The following PDPK1 variants were observed in gnomAD, a reference collection of about 807,000 sequenced individuals.
PDPK1 encodes 3-phosphoinositide dependent protein kinase 1.
In PDPK1, 7 loss-of-function variants were observed where a neutral mutation model predicts 39.8. The ratio of observed to expected loss-of-function variants is 0.18; its 90% confidence interval spans 0.10 to 0.33. The LOEUF (loss-of-function observed/expected upper bound fraction) is 0.33. Ranked by LOEUF, PDPK1 falls within the 10% of genes least tolerant of loss-of-function variation. The pLI is 1.00. For missense variants in PDPK1, 182 were observed against 384.7 expected, an observed-to-expected ratio of 0.47 and a Z score of 4.41; for synonymous variants, 118 against 159.1, an observed-to-expected ratio of 0.74 and a Z score of 1.95.
chr16:2,580,095 G>A (rs1434443911), intron 7 of PDPK1: 5 of 149,300 alleles, frequency 3.3e-5, no homozygotes, highest in Admixed American at 6.6e-5. Flanking sequence ...CTGTTTGCGT[G>A]GCTTTTATGC....
intron 11 of PDPK1, 106 bp downstream of exon 11, chr16:2,586,999 T>C (rs1227194468): frequency 1.5e-5 from 14 of 952,488 alleles, no homozygotes; most frequent in Middle Eastern, 2.2e-4. Flanking sequence ...CTCAGCAGCC[T>C]TGGACGCTTG....
At chr16:2,544,854 G>C (rs540267806) in intron 1 of PDPK1, among the ~76,000 whole-genome samples, 6 of 152,112 alleles carry the variant, frequency 3.9e-5, no homozygotes, top group South Asian at 2.1e-4. Context: ...AAAGTGCTGG[G>C]ATTTACAGGC....
intron 1 of PDPK1, among the ~76,000 whole-genome samples, chr16:2,547,260 CTAG>C (rs2066368065): frequency 6.8e-6 from 1 of 146,316 alleles, no homozygotes; most frequent in African/African-American, 2.8e-5. Context: ...AGGGCGAGCG[CTAG>C]GTTCGTCTGC....
At chr16:2,538,764 C>T (rs894982799) in intron 1 of PDPK1, 1 of 1,284,134 alleles carries the variant, frequency 7.8e-7, no homozygotes. Context: ...GGAAAGTGAG[C>T]TTGACAGGTA....
chr16:2,560,234 G>A (rs549022339), intron 2 of PDPK1, among the ~76,000 whole-genome samples: 9 of 152,298 alleles, frequency 5.9e-5, no homozygotes, highest in African/African-American at 7.2e-5. Context: ...ACTAAATATC[G>A]GTGCTCGTTC....
intron 1 of PDPK1, chr16:2,538,376 C>T (rs1354634571): frequency 8.5e-5 from 32 of 377,336 alleles, no homozygotes; most frequent in East Asian, 7.5e-5. Flanking sequence ...GACAGACGCG[C>T]GGAGGGCGGG....
Position 2,598,463 on chromosome 16 carries a change from G to A in PDPK1, c.*696G>A. On this transcript the variant is annotated 3_prime_UTR_variant, in exon 14 of 14. Transcript: ENST00000342085. Reference sequence around the variant, plus strand: ...GAGTGGTGCGGGAGCAGGCTGCCGAGTGGAGGGTGCCATCGAGGGCTCCGG... The same window carrying A: ...GAGTGGTGCGGGAGCAGGCTGCCGAATGGAGGGTGCCATCGAGGGCTCCGG... 4.3e-6 allele frequency: 1 copy of A among 233,762 alleles called. No homozygotes were observed. The highest frequency in any genetic ancestry group is 8.4e-6 in the Non-Finnish European group (1 of 118,382). 14.5% of individuals were successfully genotyped at this position (233,762 alleles called of 1,614,324 possible).
chr16:2,580,311 C>T (rs1024399608), intron 7 of PDPK1, among the ~76,000 whole-genome samples: 1 of 145,156 alleles, frequency 6.9e-6, no homozygotes, highest in Non-Finnish European at 1.5e-5. Flanking sequence ...GTGTCTGATG[C>T]GCCACCCAAC....
rs1377590590 is a variant in PDPK1, at chr16:2,601,447, C to T, written c.*3680C>T. On this transcript the variant is annotated 3_prime_UTR_variant, in exon 14 of 14. Transcript: ENST00000342085. ...GTCAGCTCTCTGCCCTCCCTGCTGC[C>T]GTGGCTTTCAAGCGCTTGGCAGAAT... 3.8e-5 allele frequency: 9 copies of T among 234,528 alleles called. No individual in the cohort carries two copies. The highest frequency in any genetic ancestry group is 7.6e-5 in the Non-Finnish European group (9 of 117,952). The allele number at this position is 234,528 out of a possible 1,614,324, so 14.5% of individuals were successfully genotyped here.
rs183193915 is a variant in PDPK1 at position 2,595,105 on chromosome 16, G to A, written c.1344-688G>A. Among the ~76,000 whole-genome samples the A allele has an allele frequency of 3.1e-3, 477 of 152,200 alleles. 1 individual carries two copies. Among genetic ancestry groups the A allele is most frequent in the South Asian group, 7.3e-3 (35 of 4,822 alleles). ...GCCACTGCTCTCCAGCCTGGGTGACGGAGCAAGACTTTGTCTCTAAAAACA... is the reference window on the plus strand; with the variant it reads ...GCCACTGCTCTCCAGCCTGGGTGACAGAGCAAGACTTTGTCTCTAAAAACA... On this transcript the variant is annotated intron_variant, in intron 11 of 13. Coordinates refer to ENST00000342085, the MANE Select transcript of PDPK1 (RefSeq NM_002613.5).
intron 11 of PDPK1, 121 bp downstream of exon 11, chr16:2,587,014 A>G: frequency 1.2e-6 from 1 of 850,762 alleles, no homozygotes. Flanking sequence ...CGCTTGGCCA[A>G]GGAGCACATC....
chr16:2,585,021 C>G (rs575267877), intron 10 of PDPK1, among the ~76,000 whole-genome samples: 1 of 152,096 alleles, frequency 6.6e-6, no homozygotes, highest in African/African-American at 2.4e-5. Context: ...GGCTGGTGGC[C>G]GTTCTCCCGT....
In PDPK1 at chr16:2,589,382, T is replaced by C. The variant is rs2066942319; in HGVS notation, c.1343+2489T>C. ...ATCATTATTTTGAAATCCTGAAGTTTTCCTTGTGCCTACATGAGAATACGG... is the reference window on the plus strand; with the variant it reads ...ATCATTATTTTGAAATCCTGAAGTTCTCCTTGTGCCTACATGAGAATACGG... On this transcript the variant is annotated intron_variant, in intron 11 of 13. Transcript: ENST00000342085. Among the ~76,000 whole-genome samples, 4 of 152,208 alleles carry C rather than the reference T, an allele frequency of 2.6e-5. No individual in the cohort carries two copies. The South Asian group carries it at 8.3e-4, about 32-fold the overall frequency.
rs992819722 is a variant in PDPK1 at position 2,592,353 on chromosome 16, C to T, written c.1344-3440C>T. Among the ~76,000 whole-genome samples the T allele has an allele frequency of 5.3e-5, 8 of 152,164 alleles. No individual in the cohort carries two copies. In the East Asian group the frequency reaches 5.8e-4, roughly 11 times the overall value. On this transcript the variant is annotated intron_variant, in intron 11 of 13. Coordinates refer to ENST00000342085, the MANE Select transcript of PDPK1 (RefSeq NM_002613.5). Reference sequence around the variant, plus strand: ...AGAGTGAGGTGCCTCGGGAAAGTCCCGTGTGCATGGCGAGTAGTTAGGTGT... The same window carrying T: ...AGAGTGAGGTGCCTCGGGAAAGTCCTGTGTGCATGGCGAGTAGTTAGGTGT...
At position 2,538,252 on chromosome 16, in the gene PDPK1, C is replaced by T. The variant is rs890006587; in HGVS notation, c.24+116C>T. On this transcript the variant is annotated intron_variant, in intron 1 of 13. Coordinates refer to ENST00000342085, the MANE Select transcript of PDPK1 (RefSeq NM_002613.5). ...GTCCCGAGGGCCGGGTGCCTCCTTA[C>T]CTGCAGCCGGGCGGCCGGGCCGGGG... 11 of 432,158 alleles carry T rather than the reference C, an allele frequency of 2.5e-5. No homozygotes were observed. In the East Asian group the frequency reaches 4.9e-4, roughly 19 times the overall value. 26.8% of individuals were successfully genotyped at this position (432,158 alleles called of 1,614,324 possible).
rs1159827867 is a variant in PDPK1 at position 2,599,686 on chromosome 16, C to T, written c.*1919C>T. ...GTTGGGGAGTCTCTCTTAGCCCTTT[C>T]AGGAATTTCTGTTCAGGCTTCCTCC... is the stretch of plus-strand genomic sequence containing the variant. On this transcript the variant is annotated 3_prime_UTR_variant, in exon 14 of 14. Coordinates refer to ENST00000342085, the MANE Select transcript of PDPK1 (RefSeq NM_002613.5). The T allele has an allele frequency of 8.6e-6, 2 of 233,216 alleles. No individual in the cohort carries two copies. The highest frequency in any genetic ancestry group is 4.4e-5 in the African/African-American group (2 of 45,370). 14.4% of individuals were successfully genotyped at this position (233,216 alleles called of 1,614,324 possible).
At position 2,597,387 on chromosome 16, in the gene PDPK1, C is replaced by A; in HGVS notation, c.1554+112C>A. 1.0e-6 allele frequency: 1 copy of A among 998,254 alleles called. No individual in the cohort carries two copies. Among genetic ancestry groups the A allele is most frequent in the Non-Finnish European group, 1.5e-6 (1 of 665,806 alleles). 61.8% of individuals were successfully genotyped at this position (998,254 alleles called of 1,614,324 possible). On this transcript the variant is annotated intron_variant, in intron 13 of 13. Transcript: ENST00000342085. This position sits in a 1 kb window ranked among gnomAD's most constrained non-coding sequence, Gnocchi z 6.3. ...GGAGCAGCGGGGATCGGGGCAGCTG[C>A]CTCGCCCTTTCCGACATCCCAGACG... is the stretch of plus-strand genomic sequence containing the variant.
intron 1 of PDPK1, among the ~76,000 whole-genome samples, chr16:2,543,768 C>T (rs1046421088): frequency 6.6e-6 from 1 of 152,212 alleles, no homozygotes; most frequent in Non-Finnish European, 1.5e-5. Flanking sequence ...GTCGCCCAGG[C>T]TGGAGTGCAG....
At chr16:2,573,588 G>A (rs1175256929) in intron 6 of PDPK1, among the ~76,000 whole-genome samples, 2 of 62,120 alleles carry the variant, frequency 3.2e-5, no homozygotes, top group Non-Finnish European at 5.5e-5. Context: ...TTGGGAGGCC[G>A]GGGTGGGTGG....
Sources: allele counts gnomAD v4.1 joint callset (sites outside exome capture counted in the v4.1 genomes callset), GRCh38; gene constraint gnomAD v4.1.1; non-coding constraint Gnocchi (gnomAD v3.1); transcripts MANE v1.5; gene names NCBI Gene and HGNC (gene_info 2026-07-23, HGNC 2026-07-21).